The following KIRREL3 variants were observed in gnomAD, a reference collection of about 807,000 sequenced individuals.
KIRREL3 encodes the protein kirre like nephrin family adhesion molecule 3, also known as kin of IRRE-like protein 3.
Under a neutral mutation model 89.7 loss-of-function variants are expected in KIRREL3, and 36 were observed. The ratio of observed to expected loss-of-function variants is 0.40; its 90% confidence interval spans 0.31 to 0.53. The LOEUF is 0.53. Among genes scored for constraint, KIRREL3 ranks in the 20% least tolerant of loss-of-function variants. KIRREL3 has a pLI of 0.49. For missense variants in KIRREL3, 864 were observed against 1,056.6 expected (o/e 0.82, Z 2.53); for synonymous variants, 445 against 441.4 (o/e 1.01, Z -0.10).
In KIRREL3 at chr11:126,635,333, C is replaced by T. The variant is rs1239790125; in HGVS notation, c.56-72421G>A. Among the ~76,000 whole-genome samples the T allele has an allele frequency of 6.6e-6, 1 of 152,216 alleles. No individual in the cohort carries two copies. Among genetic ancestry groups the T allele is most frequent in the Non-Finnish European group, 1.5e-5 (1 of 68,036 alleles). The stretch of plus-strand genomic sequence containing the variant: ...AAATCACGGTCTCCATGTTTTTCCT[C>T]CCTGGTCCCACATAGGTGAGTGATA... On this transcript the variant is annotated intron_variant, in intron 1 of 16. Transcript: ENST00000525144. The surrounding 1 kb of genome is among the most constrained non-coding windows in gnomAD (Gnocchi z 4.0).
At chr11:126,915,652 A>T (rs1435922974) in intron 1 of KIRREL3, among the ~76,000 whole-genome samples, 1 of 151,994 alleles carries the variant, frequency 6.6e-6, no homozygotes, top group Non-Finnish European at 1.5e-5. Flanking sequence ...CTAAAGTACC[A>T]CTCATCTAAC....
At chr11:126,468,874 T>A (rs1368508890) in intron 5 of KIRREL3, among the ~76,000 whole-genome samples, 1 of 152,220 alleles carries the variant, frequency 6.6e-6, no homozygotes, top group African/African-American at 2.4e-5. Context: ...ATCACCATGT[T>A]ATGTTACGGA....
intron 7 of KIRREL3, among the ~76,000 whole-genome samples, 194 bp downstream of exon 7, chr11:126,456,155 G>A (rs545830299): frequency 3.3e-5 from 5 of 149,630 alleles, no homozygotes; most frequent in Non-Finnish European, 7.4e-5. Flanking sequence ...GCGCGTGCAC[G>A]CACAGAGGAG....
chr11:126,437,477 A>C (rs1241450636), intron 11 of KIRREL3, among the ~76,000 whole-genome samples: 3 of 152,108 alleles, frequency 2.0e-5, no homozygotes, highest in Non-Finnish European at 2.9e-5. Context: ...ACAAACATGC[A>C]TATGCAAGTA....
chr11:126,435,378 C>T, intron 12 of KIRREL3, 75 bp from the exon 13 acceptor site: 2 of 1,489,310 alleles, frequency 1.3e-6, no homozygotes, highest in Non-Finnish European at 1.9e-6. Flanking sequence ...GAATTAGCTG[C>T]TTGAGCGGGG....
rs1464229666 is a variant in KIRREL3, at chr11:126,652,258, C to T, written c.56-89346G>A. On this transcript the variant is annotated intron_variant, in intron 1 of 16. Transcript: ENST00000525144. This position sits in a 1 kb window ranked among gnomAD's most constrained non-coding sequence, Gnocchi z 4.9. ...CCCACCCCTTGTTCTTTGTGTGAAA[C>T]CAGCACCCACTGGCCAAAAAGCCCG... 6.6e-6 allele frequency among the ~76,000 whole-genome samples: 1 copy of T among 152,086 alleles called. No individual in the cohort carries two copies. Among genetic ancestry groups the T allele is most frequent in the African/African-American group, 2.4e-5 (1 of 41,402 alleles).
At position 126,645,603 on chromosome 11, in the gene KIRREL3, C is replaced by A. The variant is rs1169490957; in HGVS notation, c.56-82691G>T. ...GCCTTCCACATCTAAATGGAAGCATCATGGCACGAGGTGAAATTCTAGGTT... is the reference window on the plus strand; with the variant it reads ...GCCTTCCACATCTAAATGGAAGCATAATGGCACGAGGTGAAATTCTAGGTT... On this transcript the variant is annotated intron_variant, in intron 1 of 16. Transcript: ENST00000525144. The surrounding 1 kb of genome is among the most constrained non-coding windows in gnomAD (Gnocchi z 4.9). Among the ~76,000 whole-genome samples, 1 of 152,186 alleles carries A rather than the reference C, an allele frequency of 6.6e-6. No individual in the cohort carries two copies. The highest frequency in any genetic ancestry group is 1.5e-5 in the Non-Finnish European group (1 of 68,040).
In KIRREL3 at chr11:126,485,178, C is replaced by G. The variant is rs80351934; in HGVS notation, c.434-11712G>C. ...ATATTTGGCAGCACAATCGCACAGA[C>G]GTGTCTCCAAGGAGGTTGGGGACAG... On this transcript the variant is annotated intron_variant, in intron 4 of 16. Transcript: ENST00000525144. This position sits in a 1 kb window ranked among gnomAD's most constrained non-coding sequence, Gnocchi z 5.8. Among the ~76,000 whole-genome samples the G allele has an allele frequency of 0.023, 3,473 of 152,114 alleles. 142 individuals carry two copies. The highest frequency in any genetic ancestry group is 0.075 in the African/African-American group (3,101 of 41,466).
intron 2 of KIRREL3, among the ~76,000 whole-genome samples, chr11:126,556,659 G>A (rs1353280328): frequency 1.3e-5 from 2 of 152,070 alleles, no homozygotes. Flanking sequence ...AACTTGGCAG[G>A]GTCTGCAGCT....
rs548301089 is a variant in KIRREL3 at position 126,566,807 on chromosome 11, C to G, written c.56-3895G>C. 3.3e-5 allele frequency among the ~76,000 whole-genome samples: 5 copies of G among 152,070 alleles called. No homozygotes were observed. Among genetic ancestry groups the G allele is most frequent in the African/African-American group, 1.2e-4 (5 of 41,382 alleles). On this transcript the variant is annotated intron_variant, in intron 1 of 16. Transcript: ENST00000525144. This position sits in a 1 kb window ranked among gnomAD's most constrained non-coding sequence, Gnocchi z 4.9. ...TTGTGGGATACTTATTTTTTAATGA[C>G]GCTGTCATATTCCCTTTCTCTTTAG...
intron 1 of KIRREL3, among the ~76,000 whole-genome samples, chr11:126,834,670 AG>A (rs1371792098): frequency 2.6e-5 from 4 of 152,266 alleles, no homozygotes; most frequent in Non-Finnish European, 5.9e-5. Context: ...GAGAATTCTC[AG>A]AACAGGAGTC....
At position 126,639,764 on chromosome 11, in the gene KIRREL3, T is replaced by C. The variant is rs1944399179; in HGVS notation, c.56-76852A>G. ...GGATCAGTCATTTACAAAGTTATTT[T>C]TGAGCCACTAGGATTCTTGTGAAAT... On this transcript the variant is annotated intron_variant, in intron 1 of 16. Coordinates refer to ENST00000525144, the MANE Select transcript of KIRREL3 (RefSeq NM_032531.4). The surrounding 1 kb of genome is among the most constrained non-coding windows in gnomAD (Gnocchi z 4.3). 6.6e-6 allele frequency among the ~76,000 whole-genome samples: 1 copy of C among 152,204 alleles called. No homozygotes were observed. The highest frequency in any genetic ancestry group is 1.5e-5 in the Non-Finnish European group (1 of 68,040).
chr11:126,615,190 C>T lies in KIRREL3; in HGVS notation c.56-52278G>A, dbSNP rs896997923. ...TCATATTCCCCGTGCATACCTCTGCCTTAGCACCTGCTTTTATGACAGTCT... is the reference window on the plus strand; with the variant it reads ...TCATATTCCCCGTGCATACCTCTGCTTTAGCACCTGCTTTTATGACAGTCT... On this transcript the variant is annotated intron_variant, in intron 1 of 16. Transcript: ENST00000525144. This position sits in a 1 kb window ranked among gnomAD's most constrained non-coding sequence, Gnocchi z 5.4. Among the ~76,000 whole-genome samples the T allele has an allele frequency of 6.6e-6, 1 of 152,126 alleles. No individual in the cohort carries two copies. The highest frequency in any genetic ancestry group is 1.5e-5 in the Non-Finnish European group (1 of 68,024).
chr11:126,838,813 T>C (rs912886760), intron 1 of KIRREL3, among the ~76,000 whole-genome samples: 1 of 152,226 alleles, frequency 6.6e-6, no homozygotes, highest in African/African-American at 2.4e-5. Context: ...ATATGATCCA[T>C]AAATAAAGAA....
At chr11:126,556,343 G>A (rs1939704586) in intron 2 of KIRREL3, among the ~76,000 whole-genome samples, 1 of 152,094 alleles carries the variant, frequency 6.6e-6, no homozygotes, top group South Asian at 2.1e-4. Context: ...GGAAAGGGAA[G>A]TTATAAAGGA....
rs1939291797 is a variant in KIRREL3 at position 126,551,847 on chromosome 11, T to C, written c.133+10988A>G. Reference sequence around the variant, plus strand: ...TTTTAGTAGAGATGGGGTTTCACCATGTTAGTCAGGCTGGTCTTGAACTCC... The same window carrying C: ...TTTTAGTAGAGATGGGGTTTCACCACGTTAGTCAGGCTGGTCTTGAACTCC... On this transcript the variant is annotated intron_variant, in intron 2 of 16. Transcript: ENST00000525144. The surrounding 1 kb of genome is among the most constrained non-coding windows in gnomAD (Gnocchi z 4.9). Among the ~76,000 whole-genome samples, 1 of 152,182 alleles carries C rather than the reference T, an allele frequency of 6.6e-6. No homozygotes were observed. Among genetic ancestry groups the C allele is most frequent in the African/African-American group, 2.4e-5 (1 of 41,470 alleles).
rs575317740 is a variant in KIRREL3 at position 126,463,127 on chromosome 11, G to T, written c.742+30C>A. The T allele has an allele frequency of 1.9e-6, 3 of 1,605,974 alleles. No homozygotes were observed. In the Admixed American group the frequency reaches 5.0e-5, roughly 27 times the overall value. On this transcript the variant is annotated intron_variant, in intron 6 of 16. Coordinates refer to ENST00000525144, the MANE Select transcript of KIRREL3 (RefSeq NM_032531.4). The surrounding 1 kb of genome is among the most constrained non-coding windows in gnomAD (Gnocchi z 5.9). ...GGTGTTTCACCCTGGGCCTGGCAGGGCTGGGTTGGGGGAGGGGGTGGGTAC... is the reference window on the plus strand; with the variant it reads ...GGTGTTTCACCCTGGGCCTGGCAGGTCTGGGTTGGGGGAGGGGGTGGGTAC...
Position 126,708,769 on chromosome 11 carries a change from C to G in KIRREL3, c.56-145857G>C, listed in dbSNP as rs1271004622. 6.6e-6 allele frequency among the ~76,000 whole-genome samples: 1 copy of G among 152,168 alleles called. No homozygotes were observed. The highest frequency in any genetic ancestry group is 2.4e-5 in the African/African-American group (1 of 41,426). ...ATCTCTGAGGAGTTCACTAGCTTTC[C>G]TCCCTCCGCTCTCCAGCTCCCGTTC... On this transcript the variant is annotated intron_variant, in intron 1 of 16. Transcript: ENST00000525144. This position sits in a 1 kb window ranked among gnomAD's most constrained non-coding sequence, Gnocchi z 5.7.
chr11:126,800,870 T>C (rs1397042493), intron 1 of KIRREL3, among the ~76,000 whole-genome samples: 2 of 152,138 alleles, frequency 1.3e-5, no homozygotes, highest in Non-Finnish European at 2.9e-5. Context: ...AATGGGATGG[T>C]GGAGCAGAGT....
Sources: gnomAD v4.1 joint callset for allele counts (sites outside exome capture counted in the v4.1 genomes callset) on GRCh38, gnomAD v4.1.1 for gene constraint, Gnocchi (gnomAD v3.1) non-coding constraint, MANE v1.5 for transcripts, NCBI Gene and HGNC (gene_info 2026-07-23, HGNC 2026-07-21) for gene names.